The following ZCCHC7 variants were observed in gnomAD, a reference collection of about 807,000 sequenced individuals.
The protein encoded by ZCCHC7 is zinc finger CCHC-type containing 7, also known as zinc finger CCHC domain-containing protein 7.
In ZCCHC7, 35 loss-of-function variants were observed where a neutral mutation model predicts 52.0. The observed-to-expected ratio is 0.67, with a 90% CI of 0.51 to 0.89. ZCCHC7 has a LOEUF of 0.89. ZCCHC7 is among the 40% of genes least tolerant of loss of function. The pLI, the probability that ZCCHC7 is intolerant of heterozygous loss-of-function variation, is 0.00. For synonymous variants in ZCCHC7, 217 were observed against 221.5 expected (o/e 0.98, Z 0.18); for missense variants, 574 against 649.1 (o/e 0.88, Z 1.26).
At chr9:37,182,563 C>T (rs1399102115) in intron 2 of ZCCHC7, among the ~76,000 whole-genome samples, 1 of 152,070 alleles carries the variant, frequency 6.6e-6, no homozygotes, top group African/African-American at 2.4e-5. Flanking sequence ...AGGGGTTTCA[C>T]TTGTATTGGT....
At chr9:37,253,757 A>C (rs1826442681) in intron 2 of ZCCHC7, among the ~76,000 whole-genome samples, 1 of 152,068 alleles carries the variant, frequency 6.6e-6, no homozygotes, top group Non-Finnish European at 1.5e-5. Flanking sequence ...ATAGATTAAA[A>C]AACAAAACCG....
intron 7 of ZCCHC7, 30 bp downstream of exon 7, chr9:37,349,482 C>T: frequency 6.3e-7 from 1 of 1,595,326 alleles, no homozygotes; most frequent in Non-Finnish European, 8.6e-7. Flanking sequence ...GGGCATGAAG[C>T]ATTCTGTTGT....
chr9:37,340,877 C>T (rs971745186), intron 6 of ZCCHC7, among the ~76,000 whole-genome samples: 23 of 152,026 alleles, frequency 1.5e-4, no homozygotes, highest in African/African-American at 5.6e-4. Context: ...ATGTAGATAG[C>T]GTTTGTCATG....
At chr9:37,283,037 A>C (rs1389833772) in intron 2 of ZCCHC7, among the ~76,000 whole-genome samples, 3 of 152,032 alleles carry the variant, frequency 2.0e-5, no homozygotes, top group Admixed American at 2.0e-4. Flanking sequence ...TCTTGGGTTG[A>C]GACTTAGGAT....
intron 2 of ZCCHC7, chr9:37,186,583 G>A (rs1458776686): frequency 2.6e-6 from 1 of 386,456 alleles, no homozygotes; most frequent in Non-Finnish European, 4.9e-6. Flanking sequence ...AGGACAGTTG[G>A]CAGTAACTGA....
chr9:37,268,706 G>A lies in ZCCHC7; in HGVS notation c.611-33482G>A, dbSNP rs191129377. On this transcript the variant is annotated intron_variant, in intron 2 of 8. Coordinates refer to ENST00000336755, the MANE Select transcript of ZCCHC7 (RefSeq NM_032226.3). ...CTCCCAAAGTGCTGGGATTACAGGC[G>A]TGAGCCACCGCGCCCGGCCGCAAAA... 7.4e-4 allele frequency among the ~76,000 whole-genome samples: 112 copies of A among 152,316 alleles called. No individual in the cohort carries two copies. In the East Asian group the frequency reaches 0.014, roughly 19 times the overall value.
At chr9:37,336,558 G>C (rs1830672499) in intron 6 of ZCCHC7, among the ~76,000 whole-genome samples, 1 of 151,922 alleles carries the variant, frequency 6.6e-6, no homozygotes, top group African/African-American at 2.4e-5. Context: ...AAAATCTTGG[G>C]GTTTATTTGG....
At chr9:37,330,806 C>A (rs1193256412) in intron 6 of ZCCHC7, among the ~76,000 whole-genome samples, 1 of 151,418 alleles carries the variant, frequency 6.6e-6, no homozygotes, top group Non-Finnish European at 1.5e-5. Flanking sequence ...TTCCCCCACC[C>A]CCTGTCATTT....
intron 1 of ZCCHC7, 123 bp from the exon 2 acceptor site, chr9:37,126,189 A>G (rs1842529820): frequency 9.0e-6 from 9 of 1,004,744 alleles, no homozygotes; most frequent in African/African-American, 1.6e-5. Flanking sequence ...AGGTATTTTA[A>G]TATGTCTGAG....
At chr9:37,188,014 A>G (rs1026379458) in intron 2 of ZCCHC7, among the ~76,000 whole-genome samples, 2 of 152,130 alleles carry the variant, frequency 1.3e-5, no homozygotes, top group African/African-American at 4.8e-5. Context: ...TGAAAATTTG[A>G]GTTTTCAGCC....
intron 5 of ZCCHC7, 101 bp from the exon 6 acceptor site, chr9:37,327,698 T>G (rs1055130815): frequency 3.1e-6 from 4 of 1,279,686 alleles, no homozygotes; most frequent in Non-Finnish European, 4.5e-6. Context: ...CTTCTTATTT[T>G]CCTGTGACCG....
intron 2 of ZCCHC7, among the ~76,000 whole-genome samples, chr9:37,155,353 CT>C (rs1820763339): frequency 6.8e-6 from 1 of 148,138 alleles, no homozygotes; most frequent in Admixed American, 6.7e-5. Context: ...GAGACTCCGT[CT>C]CAAAAAAAAA....
Position 37,126,357 on chromosome 9 carries a change from A to G in ZCCHC7, c.25A>G (p.Ile9Val). The G allele has an allele frequency of 1.2e-6, 2 of 1,613,886 alleles. No individual in the cohort carries two copies. Among genetic ancestry groups the G allele is most frequent in the African/African-American group, 1.3e-5 (1 of 75,056 alleles). MMFGGYETIEAYEDDLYRD... is the reference protein window; with the variant it reads MMFGGYETVEAYEDDLYRD... Reference sequence around the variant, plus strand: ...TATGATGTTTGGTGGCTATGAGACTATAGAAGCATACGAAGATGATCTTTA... The same window carrying G: ...TATGATGTTTGGTGGCTATGAGACTGTAGAAGCATACGAAGATGATCTTTA... The change falls in exon 2 of 9, where the codon ATA (isoleucine) becomes GTA (valine). Residue 9 changes from isoleucine to valine, a missense_variant. Ile to Val is a conservative substitution (Grantham distance 29). Coordinates refer to ENST00000336755, the MANE Select transcript of ZCCHC7 (RefSeq NM_032226.3).
chr9:37,212,656 A>G (rs1824304156), intron 2 of ZCCHC7, among the ~76,000 whole-genome samples: 1 of 152,322 alleles, frequency 6.6e-6, no homozygotes, highest in South Asian at 2.1e-4. Context: ...CAGAGTCCCC[A>G]TCGAACAGAT....
intron 5 of ZCCHC7, among the ~76,000 whole-genome samples, chr9:37,323,727 T>A (rs191645279): frequency 6.6e-6 from 1 of 152,320 alleles, no homozygotes; most frequent in Admixed American, 6.5e-5. Flanking sequence ...GAATTTTGAT[T>A]GACGGCAAAT....
At chr9:37,181,015 CA>C (rs1326295024) in intron 2 of ZCCHC7, among the ~76,000 whole-genome samples, 1 of 152,084 alleles carries the variant, frequency 6.6e-6, no homozygotes, top group East Asian at 1.9e-4. Flanking sequence ...GAAAACAGCT[CA>C]AACTGTTAAA....
At chr9:37,282,829 G>A (rs934594074) in intron 2 of ZCCHC7, among the ~76,000 whole-genome samples, 1 of 151,016 alleles carries the variant, frequency 6.6e-6, no homozygotes, top group African/African-American at 2.4e-5. Flanking sequence ...AAAAAAAGGC[G>A]GGGGGAGTGA....
chr9:37,228,175 A>G (rs562240807), intron 2 of ZCCHC7, among the ~76,000 whole-genome samples: 1 of 152,218 alleles, frequency 6.6e-6, no homozygotes, highest in Non-Finnish European at 1.5e-5. Flanking sequence ...TGACTATTCT[A>G]TAAACGACAA....
Position 37,126,338 on chromosome 9 carries a change from G to A in ZCCHC7, c.6G>A (p.Met2Ile), listed in dbSNP as rs751192205. 6.2e-7 allele frequency: 1 copy of A among 1,609,326 alleles called. No homozygotes were observed. The highest frequency in any genetic ancestry group is 1.3e-5 in the African/African-American group (1 of 74,666). The change falls in exon 2 of 9, where the codon ATG becomes ATA. Residue 2 changes from methionine (M) to isoleucine (I), a missense_variant. Met to Ile is a conservative substitution (Grantham distance 10). Around this residue, in one of 3 missense-constraint regions of ZCCHC7, gnomAD observed 403 missense variants for 461.2 expected, o/e 0.87. Coordinates refer to ENST00000336755, the MANE Select transcript of ZCCHC7 (RefSeq NM_032226.3). Reference protein sequence around the residue: MMFGGYETIEAY... With the variant: MIFGGYETIEAY... ...TTCAAGGTTACTGACTTTTTATGATGTTTGGTGGCTATGAGACTATAGAAG... is the reference window on the plus strand; with the variant it reads ...TTCAAGGTTACTGACTTTTTATGATATTTGGTGGCTATGAGACTATAGAAG...
Sources: allele counts gnomAD v4.1 joint callset (sites outside exome capture counted in the v4.1 genomes callset), GRCh38; gene constraint gnomAD v4.1.1; regional missense constraint gnomAD v4.1.1; transcripts MANE v1.5; gene names NCBI Gene and HGNC (gene_info 2026-07-23, HGNC 2026-07-21).